The following CAST variants were observed in gnomAD, a reference collection of about 807,000 sequenced individuals.
CAST encodes the protein MIR583 host.
In CAST, 76 loss-of-function variants were observed where a neutral mutation model predicts 119.6. The observed-to-expected ratio is 0.64, with a 90% CI of 0.53 to 0.77. The LOEUF (loss-of-function observed/expected upper bound fraction) is 0.77, where lower values mean the gene tolerates loss of function less well. CAST is among the 30% of genes least tolerant of loss of function. The pLI, the probability that CAST is intolerant of heterozygous loss-of-function variation, is 0.00. For missense variants in CAST, 953 were observed against 946.5 expected (o/e 1.01, Z -0.09); for synonymous variants, 319 against 331.6 (o/e 0.96, Z 0.41).
At chr5:96,201,643 G>A in the CAST span, among the ~76,000 whole-genome samples, 1 of 151,680 alleles carries the variant, frequency 6.6e-6, no homozygotes. Context: ...CAAACACCTC[G>A]TAATCCAGCT....
the CAST span, among the ~76,000 whole-genome samples, chr5:96,325,630 C>T: frequency 1.3e-4 from 19 of 151,988 alleles, no homozygotes; most frequent in African/African-American, 4.6e-4. Context: ...CAGGTGCATG[C>T]TACCACGTCC....
upstream of CAST, among the ~76,000 whole-genome samples, chr5:96,659,193 G>GGTTGATAT (rs1748209182): frequency 6.6e-6 from 1 of 152,286 alleles, no homozygotes; most frequent in African/African-American, 2.4e-5. Context: ...TAATGAAAAA[G>GGTTGATAT]GTTGAGGTGT....
chr5:96,347,127 A>C, the CAST span, among the ~76,000 whole-genome samples: 1 of 151,954 alleles, frequency 6.6e-6, no homozygotes, highest in African/African-American at 2.4e-5. Flanking sequence ...ATCCGTGACT[A>C]TTCTTTGAGG....
the CAST span, chr5:96,433,969 T>TA: frequency 3.9e-5 from 6 of 152,116 alleles, no homozygotes; most frequent in Non-Finnish European, 8.8e-5. Context: ...CATGTGATTT[T>TA]AAAAAAACAT....
chr5:96,508,030 A>ATTATTATTATTT, the CAST span, among the ~76,000 whole-genome samples: 4 of 130,626 alleles, frequency 3.1e-5, no homozygotes, highest in Non-Finnish European at 6.6e-5. Flanking sequence ...TATTATTATT[A>ATTATTATTATTT]TTTTATGTTA....
At chr5:96,340,291 C>T in the CAST span, among the ~76,000 whole-genome samples, 10 of 152,298 alleles carry the variant, frequency 6.6e-5, no homozygotes, top group South Asian at 4.1e-4. Context: ...TTCATTTCAG[C>T]TCAGGTCCTT....
At chr5:96,616,273 C>T (rs1747454032) in intron 1 of CAST, among the ~76,000 whole-genome samples, 1 of 152,166 alleles carries the variant, frequency 6.6e-6, no homozygotes, top group Non-Finnish European at 1.5e-5. Context: ...AATCTTCATC[C>T]ATAGCTCTAG....
chr5:96,364,615 C>G, the CAST span, among the ~76,000 whole-genome samples: 3 of 152,078 alleles, frequency 2.0e-5, no homozygotes, highest in Admixed American at 6.6e-5. Context: ...TTGCGTAGAG[C>G]TGTTTATAGT....
chr5:96,760,375 T>C (rs1301875651), intron 24 of CAST, among the ~76,000 whole-genome samples: 1 of 151,978 alleles, frequency 6.6e-6, no homozygotes, highest in Non-Finnish European at 1.5e-5. Flanking sequence ...CATATACTCA[T>C]ATTATAAATA....
At chr5:96,357,410 G>C in the CAST span, among the ~76,000 whole-genome samples, 1 of 152,100 alleles carries the variant, frequency 6.6e-6, no homozygotes, top group South Asian at 2.1e-4. Context: ...GTCTTGTGCT[G>C]GTTTTCAATG....
the CAST span, chr5:95,961,953 C>T: frequency 2.1e-6 from 1 of 477,266 alleles, no homozygotes; most frequent in Non-Finnish European, 3.5e-6. Flanking sequence ...CCCTTCAGAA[C>T]CGCCCTCATC....
intron 1 of CAST, among the ~76,000 whole-genome samples, chr5:96,538,831 T>G (rs886457800): frequency 1.3e-5 from 2 of 151,990 alleles, no homozygotes; most frequent in African/African-American, 4.8e-5. Flanking sequence ...GTTACTCTAA[T>G]TTGCAGTTTG....
the CAST span, among the ~76,000 whole-genome samples, chr5:96,018,691 G>T: frequency 6.6e-6 from 1 of 152,138 alleles, no homozygotes; most frequent in Non-Finnish European, 1.5e-5. Flanking sequence ...CTCTCTAAAA[G>T]ATGTGACCCA....
At chr5:96,752,774 T>C (rs1765400370) in intron 20 of CAST, among the ~76,000 whole-genome samples, 1 of 151,930 alleles carries the variant, frequency 6.6e-6, no homozygotes, top group Non-Finnish European at 1.5e-5. Context: ...TAATAGGTGC[T>C]CATTGTGAGG....
chr5:96,519,807 A>T, the CAST span, among the ~76,000 whole-genome samples: 691 of 152,244 alleles, frequency 4.5e-3, 4 homozygotes, highest in African/African-American at 0.016. Context: ...GGGTTTCGCC[A>T]TGTTGGCCAG....
At chr5:95,996,396 G>A in the CAST span, among the ~76,000 whole-genome samples, 1 of 152,174 alleles carries the variant, frequency 6.6e-6, no homozygotes, top group African/African-American at 2.4e-5. Context: ...CTGTGAGTCA[G>A]TCTCATCCTC....
intron 1 of CAST, among the ~76,000 whole-genome samples, chr5:96,567,853 A>G (rs1746500473): frequency 1.3e-5 from 2 of 152,196 alleles, no homozygotes; most frequent in South Asian, 4.1e-4. Context: ...GGGACAAGGT[A>G]GTTCAGAACC....
the CAST span, among the ~76,000 whole-genome samples, chr5:96,281,211 A>G: frequency 6.6e-6 from 1 of 152,220 alleles, no homozygotes; most frequent in Non-Finnish European, 1.5e-5. Flanking sequence ...GTTGTTGCAA[A>G]TGACAGAAAC....
At chr5:96,025,818 G>C in the CAST span, among the ~76,000 whole-genome samples, 2 of 152,214 alleles carry the variant, frequency 1.3e-5, no homozygotes, top group Non-Finnish European at 2.9e-5. Flanking sequence ...TAGTGTCCCA[G>C]GCAGTGGGAA....
Sources: allele counts gnomAD v4.1 joint callset (sites outside exome capture counted in the v4.1 genomes callset), GRCh38; gene constraint gnomAD v4.1.1; transcripts MANE v1.5; gene names NCBI Gene and HGNC (gene_info 2026-07-23, HGNC 2026-07-21).